ESRRG: variants seen among roughly 807,000 people sequenced by gnomAD.
ESRRG encodes the protein estrogen-related receptor gamma.
A neutral mutation model predicts 44.0 loss-of-function variants in ESRRG; 13 were observed. The observed-to-expected ratio is 0.30, with a 90% CI of 0.19 to 0.47. The LOEUF (loss-of-function observed/expected upper bound fraction) is 0.47, where lower values mean the gene tolerates loss of function less well. ESRRG is among the 20% of genes least tolerant of loss of function. The probability of loss-of-function intolerance (pLI) is 1.00; values close to 1 mark genes in which losing one functional copy is unlikely to be tolerated. For missense variants in ESRRG, 395 were observed against 580.6 expected, an observed-to-expected ratio of 0.68 and a Z score of 3.29; for synonymous variants, 215 against 214.6, an observed-to-expected ratio of 1.00 and a Z score of -0.02.
At chr1:217,061,317 C>G (rs893462285) in intron 1 of ESRRG, among the ~76,000 whole-genome samples, 1 of 152,100 alleles carries the variant, frequency 6.6e-6, no homozygotes, top group South Asian at 2.1e-4. Context: ...AAATAGATAA[C>G]AAAATTTAAG....
intron 1 of ESRRG, among the ~76,000 whole-genome samples, chr1:217,054,762 CA>C (rs113335062): frequency 1.4e-4 from 20 of 145,118 alleles, no homozygotes; most frequent in Admixed American, 6.2e-4. Context: ...GAAGAAAGGT[CA>C]AAAAAAAAAC....
At chr1:216,977,155 A>C (rs932636728) in intron 1 of ESRRG, among the ~76,000 whole-genome samples, 1 of 152,110 alleles carries the variant, frequency 6.6e-6, no homozygotes, top group Non-Finnish European at 1.5e-5. Flanking sequence ...TTGCTCAATT[A>C]TTGGCTTAAA....
intron 1 of ESRRG, among the ~76,000 whole-genome samples, chr1:217,106,038 T>C (rs2092590147): frequency 6.6e-6 from 1 of 152,174 alleles, no homozygotes; most frequent in South Asian, 2.1e-4. Flanking sequence ...TAAACATTAA[T>C]GCAACATCCC....
At chr1:216,625,826 CA>C (rs1256183940) in intron 3 of ESRRG, among the ~76,000 whole-genome samples, 1 of 152,172 alleles carries the variant, frequency 6.6e-6, no homozygotes, top group East Asian at 1.9e-4. Context: ...CAATTATTTT[CA>C]GTAATTATGT....
intron 1 of ESRRG, among the ~76,000 whole-genome samples, chr1:216,946,746 T>C (rs533374017): frequency 1.3e-5 from 2 of 152,154 alleles, no homozygotes; most frequent in South Asian, 4.2e-4. Context: ...TTAGGGAGTC[T>C]CCCTCTGTCA....
At chr1:217,002,331 AAAAAG>A (rs200278659) in intron 1 of ESRRG, among the ~76,000 whole-genome samples, 18,680 of 148,162 alleles carry the variant, frequency 0.13, 1,664 homozygotes, top group East Asian at 0.19. Context: ...AAGAAAAAAA[AAAAAG>A]AAAGAAAGAA....
intron 6 of ESRRG, among the ~76,000 whole-genome samples, chr1:216,512,294 A>G (rs1327994612): frequency 6.6e-6 from 1 of 152,192 alleles, no homozygotes; most frequent in Non-Finnish European, 1.5e-5. Context: ...CACAAAATGC[A>G]AAGGGCAGAA....
rs908720349 is a variant in ESRRG at position 216,626,252 on chromosome 1, T to C, written c.589+24721A>G. 7.9e-5 allele frequency among the ~76,000 whole-genome samples: 12 copies of C among 152,328 alleles called. No individual in the cohort carries two copies. The South Asian group carries it at 1.9e-3, about 24-fold the overall frequency. ...TGCAATACCACGTTCTCTTGGGTTT[T>C]CTTCCTACAACTCCAATCTTCATCT... is the stretch of plus-strand genomic sequence containing the variant. On this transcript the variant is annotated intron_variant, in intron 3 of 6. Transcript: ENST00000408911.
In ESRRG at chr1:216,504,095, C is replaced by T. The variant is rs2148673238; in HGVS notation, c.*2844G>A. 1 of 152,596 alleles carries T rather than the reference C, an allele frequency of 6.6e-6. No homozygotes were observed. Among genetic ancestry groups the T allele is most frequent in the African/African-American group, 2.4e-5 (1 of 41,546 alleles). The allele number at this position is 152,596 out of a possible 1,614,324, so 9.5% of individuals were successfully genotyped here. On this transcript the variant is annotated 3_prime_UTR_variant, in exon 7 of 7. Coordinates refer to ENST00000408911, the MANE Select transcript of ESRRG (RefSeq NM_001438.4). ...TAAACTGAAAACTAAAAAATTGTAT[C>T]TCATTCTTTGAACATATCTCCATCT...
chr1:216,796,318 C>A (rs143268667), intron 2 of ESRRG, among the ~76,000 whole-genome samples: 2 of 152,068 alleles, frequency 1.3e-5, no homozygotes, highest in South Asian at 2.1e-4. Flanking sequence ...ATCTCCAAGG[C>A]GAACACTGGA....
chr1:216,720,281 G>T (rs954021212), intron 1 of ESRRG, among the ~76,000 whole-genome samples: 9 of 152,032 alleles, frequency 5.9e-5, no homozygotes, highest in Admixed American at 2.0e-4. Context: ...ACTAATTGCA[G>T]CTGATTGTCA....
intron 1 of ESRRG, among the ~76,000 whole-genome samples, chr1:216,965,332 C>A (rs571834484): frequency 6.7e-6 from 1 of 150,088 alleles, no homozygotes; most frequent in Non-Finnish European, 1.5e-5. Context: ...ATCAGCAGCT[C>A]CATTTTTTCA....
intron 1 of ESRRG, among the ~76,000 whole-genome samples, chr1:217,069,764 C>T (rs1042976216): frequency 6.6e-5 from 10 of 152,152 alleles, no homozygotes; most frequent in Admixed American, 2.6e-4. Context: ...GCAGGCAACT[C>T]TCTAGGGAAG....
intron 2 of ESRRG, among the ~76,000 whole-genome samples, chr1:216,774,118 C>T (rs1445740696): frequency 6.6e-6 from 1 of 151,986 alleles, no homozygotes; most frequent in Non-Finnish European, 1.5e-5. Flanking sequence ...AGATTTGAAC[C>T]CAAACATGGA....
chr1:217,081,259 C>CTTTTTTTTTTTT (rs1553277907), intron 1 of ESRRG, among the ~76,000 whole-genome samples: 1 of 41,438 alleles, frequency 2.4e-5, no homozygotes, highest in Non-Finnish European at 4.4e-5. Flanking sequence ...CAGAGTTTTG[C>CTTTTTTTTTTTT]TCTTGTTGCC....
intron 1 of ESRRG, among the ~76,000 whole-genome samples, chr1:216,954,375 G>A (rs577356233): frequency 6.6e-6 from 1 of 152,228 alleles, no homozygotes; most frequent in East Asian, 1.9e-4. Flanking sequence ...CCCTGTCCCT[G>A]CATTGGGGCC....
intron 1 of ESRRG, among the ~76,000 whole-genome samples, chr1:217,019,985 C>A (rs570444484): frequency 6.6e-6 from 1 of 152,120 alleles, no homozygotes; most frequent in Non-Finnish European, 1.5e-5. Context: ...GATCAGGTAC[C>A]CGGATAAAAT....
At chr1:216,527,663 T>A (rs917115654) in intron 5 of ESRRG, among the ~76,000 whole-genome samples, 1 of 152,202 alleles carries the variant, frequency 6.6e-6, no homozygotes, top group Non-Finnish European at 1.5e-5. Flanking sequence ...ACCTTACTCT[T>A]GGCCCTTCAC....
chr1:217,091,532 C>A (rs1321575204), upstream of ESRRG, among the ~76,000 whole-genome samples: 3 of 152,074 alleles, frequency 2.0e-5, no homozygotes, highest in African/African-American at 7.2e-5. Context: ...ATGCAGAGAC[C>A]AGATGATCTG....
Sources: allele counts gnomAD v4.1 joint callset (sites outside exome capture counted in the v4.1 genomes callset), GRCh38; gene constraint gnomAD v4.1.1; transcripts MANE v1.5; gene names NCBI Gene and HGNC (gene_info 2026-07-23, HGNC 2026-07-21).